OSGEPL1: variants seen among roughly 807,000 people sequenced by gnomAD.
The protein encoded by OSGEPL1 is tRNA N6-adenosine threonylcarbamoyltransferase, mitochondrial.
OSGEPL1 carries 26 observed loss-of-function variants against 37.2 expected under a neutral mutation model. That is an observed-to-expected ratio of 0.70 (90% confidence interval 0.51 to 0.97). The LOEUF (loss-of-function observed/expected upper bound fraction) is 0.97. Ranked by LOEUF, OSGEPL1 falls within the 50% of genes least tolerant of loss-of-function variation. The pLI is 0.00. For missense variants in OSGEPL1, 404 were observed against 487.0 expected (o/e 0.83, Z 1.60); for synonymous variants, 140 against 159.9 (o/e 0.88, Z 0.94).
intron 7 of OSGEPL1, 148 bp downstream of exon 7, chr2:189,752,505 A>G: frequency 2.8e-6 from 2 of 725,228 alleles, no homozygotes; most frequent in Non-Finnish European, 2.2e-6. Context: ...ATATGGTATC[A>G]ACCTTAACTA....
rs1284729588 is a variant in OSGEPL1 at position 189,752,866 on chromosome 2, A to G, written c.1077T>C (p.Asn359=). The G allele has an allele frequency of 1.9e-6, 3 of 1,613,820 alleles. No homozygotes were observed. Among genetic ancestry groups the G allele is most frequent in the African/African-American group, 2.7e-5 (2 of 75,060 alleles). ...LCPPPRLCTD[N]GIMIAWNGIE... ...TGGCTTACCATGCAATCATAATGCC[A>G]TTATCAGTGCATAGTCTGGGAGGAG... The change falls in exon 6 of 9, where the codon AAT becomes AAC. Residue 359 remains asparagine (N), a synonymous_variant. Coordinates refer to ENST00000264151, the MANE Select transcript of OSGEPL1 (RefSeq NM_022353.3).
chr2:189,752,006 C>T (rs1425966176), intron 7 of OSGEPL1, among the ~76,000 whole-genome samples: 1 of 151,460 alleles, frequency 6.6e-6, no homozygotes, highest in Admixed American at 6.6e-5. Flanking sequence ...GAGCTGGGCA[C>T]AGCTGTGTGA....
rs762259263 is a variant in OSGEPL1, at chr2:189,754,083, A to G, written c.815-19T>C. 6.2e-7 allele frequency: 1 copy of G among 1,612,002 alleles called. No individual in the cohort carries two copies. Among genetic ancestry groups the G allele is most frequent in the Non-Finnish European group, 8.5e-7 (1 of 1,178,746 alleles). ...TCAATACCTGCAGAAATGAGCAGCT[A>G]TTTTTAGGCACAATCCAGGAATATT... On this transcript the variant is annotated intron_variant, in intron 4 of 8. Transcript: ENST00000264151.
chr2:189,749,943 G>A (rs779454665), intron 8 of OSGEPL1, among the ~76,000 whole-genome samples: 7 of 152,068 alleles, frequency 4.6e-5, no homozygotes, highest in Non-Finnish European at 7.4e-5. Context: ...GCAACATGGT[G>A]AAACCCCATC....
Position 189,746,882 on chromosome 2 carries a change from T to C in OSGEPL1, c.*315A>G. On this transcript the variant is annotated 3_prime_UTR_variant, in exon 9 of 9. Coordinates refer to ENST00000264151, the MANE Select transcript of OSGEPL1 (RefSeq NM_022353.3). ...AAAATTTATTGACTGACATGAGTGG[T>C]ATAACTAGTGTATATATCAAGAGTT... 1 of 303,542 alleles carries C rather than the reference T, an allele frequency of 3.3e-6. No homozygotes were observed. Among genetic ancestry groups the C allele is most frequent in the Non-Finnish European group, 6.0e-6 (1 of 166,058 alleles). The allele number at this position is 303,542 out of a possible 1,614,324, so 18.8% of individuals were successfully genotyped here. A position where few individuals can be genotyped will look rare whatever the true frequency, so the allele number is the denominator to read the frequency against.
At chr2:189,759,197 A>G (rs1447506258) in intron 2 of OSGEPL1, among the ~76,000 whole-genome samples, 2 of 152,062 alleles carry the variant, frequency 1.3e-5, no homozygotes, top group Non-Finnish European at 2.9e-5. Flanking sequence ...GCCTCTTTAC[A>G]TACATTATTT....
intron 2 of OSGEPL1, among the ~76,000 whole-genome samples, chr2:189,758,346 A>C (rs2046400725): frequency 6.6e-6 from 1 of 151,702 alleles, no homozygotes; most frequent in Non-Finnish European, 1.5e-5. Context: ...GCACCATTGC[A>C]CTCTGGTCTG....
Position 189,755,280 on chromosome 2 carries a change from G to A in OSGEPL1, c.502C>T (p.Leu168Phe). The change falls in exon 3 of 9, where the codon CTT becomes TTT. Residue 168 changes from leucine (L) to phenylalanine (F), a missense_variant. Coordinates refer to ENST00000264151, the MANE Select transcript of OSGEPL1 (RefSeq NM_022353.3). Reference sequence around the variant, plus strand: ...AGACAGTGACCTCCAGAAATCAAAAGAACTAAAAAAGGAAATTCTACTTTA... The same window carrying A: ...AGACAGTGACCTCCAGAAATCAAAAAAACTAAAAAAGGAAATTCTACTTTA... ...TNKVEFPFLV[L>F]LISGGHCLLA... is the part of the protein sequence containing the mutation. 1 of 1,613,026 alleles carries A rather than the reference G, an allele frequency of 6.2e-7. No homozygotes were observed. The highest frequency in any genetic ancestry group is 1.1e-5 in the South Asian group (1 of 90,960).
chr2:189,756,542 G>C (rs913084813), intron 2 of OSGEPL1, among the ~76,000 whole-genome samples: 1 of 152,086 alleles, frequency 6.6e-6, no homozygotes, highest in Non-Finnish European at 1.5e-5. Context: ...CAATGAGGGG[G>C]ATATAAATGA....
intron 2 of OSGEPL1, among the ~76,000 whole-genome samples, chr2:189,760,654 G>A (rs1465315117): frequency 6.6e-6 from 1 of 151,824 alleles, no homozygotes; most frequent in Middle Eastern, 3.2e-3. Context: ...AGCTGGGCGT[G>A]GTGGCACGTG....
intron 5 of OSGEPL1, 147 bp downstream of exon 5, chr2:189,753,765 TGTTA>T: frequency 2.5e-6 from 2 of 803,444 alleles, no homozygotes; most frequent in Non-Finnish European, 3.8e-6. Context: ...AAGAAATGGC[TGTTA>T]GTCTTTCCTA....
Position 189,758,642 on chromosome 2 carries a change from C to A in OSGEPL1, c.221+2778G>T, listed in dbSNP as rs369069381. 2.0e-5 allele frequency among the ~76,000 whole-genome samples: 3 copies of A among 152,172 alleles called. No homozygotes were observed. In the South Asian group the frequency reaches 6.2e-4, roughly 32 times the overall value. Reference sequence around the variant, plus strand: ...CTAACACAGGTTATAATATTCTTTCCATCTCCATTCACTGAAGGCCTAACG... The same window carrying A: ...CTAACACAGGTTATAATATTCTTTCAATCTCCATTCACTGAAGGCCTAACG... On this transcript the variant is annotated intron_variant, in intron 2 of 8. Coordinates refer to ENST00000264151, the MANE Select transcript of OSGEPL1 (RefSeq NM_022353.3).
chr2:189,750,560 T>G lies in OSGEPL1; in HGVS notation c.*18A>C, dbSNP rs2045009461. On this transcript the variant is annotated 3_prime_UTR_variant, in exon 8 of 9. Transcript: ENST00000264151. The stretch of plus-strand genomic sequence containing the variant: ...TAACCTTAATACTACCTTTAGGGAC[T>G]TTTTTGAACAGCAGAAATCATATCT... The G allele has an allele frequency of 6.9e-7, 1 of 1,450,818 alleles. No individual in the cohort carries two copies. The allele number at this position is 1,450,818 out of a possible 1,614,324, so 89.9% of individuals were successfully genotyped here.
chr2:189,762,848 C>G (rs950932981), upstream of OSGEPL1: 49 of 985,270 alleles, frequency 5.0e-5, no homozygotes, highest in African/African-American at 7.9e-4. Context: ...CGCTAGCGAG[C>G]GGCATGCTTA....
intron 8 of OSGEPL1, among the ~76,000 whole-genome samples, chr2:189,750,156 C>T (rs2044924920): frequency 6.6e-6 from 1 of 151,918 alleles, no homozygotes; most frequent in African/African-American, 2.4e-5. Context: ...AAAAATTAAA[C>T]TGCTCTCTCA....
At chr2:189,748,243 C>T (rs1359391629) in intron 8 of OSGEPL1, among the ~76,000 whole-genome samples, 1 of 152,156 alleles carries the variant, frequency 6.6e-6, no homozygotes, top group Non-Finnish European at 1.5e-5. Flanking sequence ...TGCTCTGTTA[C>T]CCAGGTTGGA....
rs1045679080 is a variant in OSGEPL1, at chr2:189,758,305, C to A, written c.222-2745G>T. Reference sequence around the variant, plus strand: ...CTGAGGGGGGAGAATCGCTTGAACCCGGGAGGCGGAGGTTGTGATGAGCCA... The same window carrying A: ...CTGAGGGGGGAGAATCGCTTGAACCAGGGAGGCGGAGGTTGTGATGAGCCA... On this transcript the variant is annotated intron_variant, in intron 2 of 8. Coordinates refer to ENST00000264151, the MANE Select transcript of OSGEPL1 (RefSeq NM_022353.3). Among the ~76,000 whole-genome samples, 3 of 152,080 alleles carry A rather than the reference C, an allele frequency of 2.0e-5. No homozygotes were observed. In the South Asian group the frequency reaches 6.2e-4, roughly 32 times the overall value.
At chr2:189,754,618 G>T in intron 3 of OSGEPL1, 1 of 394,008 alleles carries the variant, frequency 2.5e-6, no homozygotes, top group Admixed American at 4.2e-5. Context: ...GACAATAACT[G>T]CTTAATGATG....
chr2:189,755,337 C>A lies in OSGEPL1; in HGVS notation c.445G>T (p.Glu149Ter). Reference protein sequence around the residue: ...KKPFIPIHHMEAHALTIRLTN... With the variant: ...KKPFIPIHHM Reference sequence around the variant, plus strand: ...AACCTAATAGTAAGTGCATGAGCCTCCATATGATGAATGGGAATGAATGGC... The same window carrying A: ...AACCTAATAGTAAGTGCATGAGCCTACATATGATGAATGGGAATGAATGGC... The change falls in exon 3 of 9, where the codon GAG becomes TAG. Residue 149 changes from glutamate (E) to a stop codon, truncating the protein, a stop_gained. Transcript: ENST00000264151. LOFTEE classifies it high-confidence loss of function. 1 of 1,613,394 alleles carries A rather than the reference C, an allele frequency of 6.2e-7. No individual in the cohort carries two copies. The highest frequency in any genetic ancestry group is 8.5e-7 in the Non-Finnish European group (1 of 1,179,686).
Sources: allele counts gnomAD v4.1 joint callset (sites outside exome capture counted in the v4.1 genomes callset), GRCh38; gene constraint gnomAD v4.1.1; transcripts MANE v1.5; gene names NCBI Gene and HGNC (gene_info 2026-07-23, HGNC 2026-07-21).